DLEC1: variants seen among roughly 807,000 people sequenced by gnomAD.
DLEC1 encodes DLEC1 cilia and flagella associated protein, also known as deleted in lung and esophageal cancer protein 1.
A neutral mutation model predicts 198.1 loss-of-function variants in DLEC1; 146 were observed. The ratio of observed to expected loss-of-function variants is 0.74; its 90% confidence interval spans 0.64 to 0.85. The LOEUF (loss-of-function observed/expected upper bound fraction) is 0.85, where lower values mean the gene tolerates loss of function less well. Among genes scored for constraint, DLEC1 ranks in the 40% least tolerant of loss-of-function variants. The pLI, the probability that DLEC1 is intolerant of heterozygous loss-of-function variation, is 0.00. For missense variants in DLEC1, 2,233 were observed against 2,220.0 expected (o/e 1.01, Z -0.12); for synonymous variants, 897 against 866.8 (o/e 1.03, Z -0.61).
rs369646963 is a variant in DLEC1 at position 38,093,735 on chromosome 3, G to T, written c.1887G>T (p.Thr629=). Residue 629 remains threonine, a synonymous_variant, in exon 12 of 37, where the codon ACG becomes ACT. Transcript: ENST00000308059. ...TTGAGCCTGAAAACCTTCGGTCCAC[G>T]GCTAGGAAGCAGCTGATTATTAGAA... The part of the protein sequence containing the change: ...IRFEPENLRS[T]ARKQLIIRNA... The T allele has an allele frequency of 1.4e-5, 23 of 1,614,076 alleles. No homozygotes were observed. The highest frequency in any genetic ancestry group is 1.9e-5 in the Non-Finnish European group (22 of 1,180,032).
intron 2 of DLEC1, among the ~76,000 whole-genome samples, chr3:38,051,345 G>T (rs943296294): frequency 6.6e-6 from 1 of 152,232 alleles, no homozygotes; most frequent in African/African-American, 2.4e-5. Flanking sequence ...CTGGTCCACC[G>T]CGGTCCCCAC....
At chr3:38,066,281 A>G (rs1362434621) in intron 6 of DLEC1, among the ~76,000 whole-genome samples, 2 of 152,240 alleles carry the variant, frequency 1.3e-5, no homozygotes, top group African/African-American at 4.8e-5. Context: ...CAGGGCTTAC[A>G]AAATGGTAAT....
intron 33 of DLEC1, among the ~76,000 whole-genome samples, chr3:38,119,853 G>A (rs1700362648): frequency 1.3e-5 from 2 of 152,164 alleles, no homozygotes; most frequent in African/African-American, 2.4e-5. Flanking sequence ...CCTTGACAAA[G>A]CTTGTTAAGG....
intron 6 of DLEC1, 81 bp from the exon 7 acceptor site, chr3:38,084,077 A>G (rs1575168913): frequency 7.2e-7 from 1 of 1,381,068 alleles, no homozygotes; most frequent in Non-Finnish European, 1.0e-6. Flanking sequence ...CCCCCTTCTC[A>G]TATTAGAGTA....
intron 2 of DLEC1, among the ~76,000 whole-genome samples, chr3:38,058,265 G>A (rs1485280151): frequency 6.6e-6 from 1 of 152,156 alleles, no homozygotes; most frequent in Non-Finnish European, 1.5e-5. Flanking sequence ...ATCTGTTGAG[G>A]GATGGGATGA....
rs763929515 is a variant in DLEC1 at position 38,088,369 on chromosome 3, G to A, written c.1646G>A (p.Gly549Glu). Residue 549 changes from glycine to glutamate, a missense_variant, in exon 10 of 37, where the codon GGA becomes GAA. By Grantham distance (98) the Gly-to-Glu change is moderately conservative. Transcript: ENST00000308059. ...CCTTCGGTGTTTGAGCTGGCCCCGGGACATGCTATATTAGTGGAGGTAGGT... is the reference window on the plus strand; with the variant it reads ...CCTTCGGTGTTTGAGCTGGCCCCGGAACATGCTATATTAGTGGAGGTAGGT... ...ILPSVFELAP[G>E]HAILVEVLFS... 1.2e-6 allele frequency: 2 copies of A among 1,613,820 alleles called. No individual in the cohort carries two copies. Among genetic ancestry groups the A allele is most frequent in the East Asian group, 2.2e-5 (1 of 44,862 alleles).
intron 6 of DLEC1, among the ~76,000 whole-genome samples, chr3:38,071,787 G>T (rs1190448412): frequency 6.6e-6 from 1 of 152,250 alleles, no homozygotes; most frequent in Non-Finnish European, 1.5e-5. Context: ...CCCTTGTGTA[G>T]TGAGGGAGCC....
intron 19 of DLEC1, among the ~76,000 whole-genome samples, chr3:38,106,167 G>T (rs1170984018): frequency 6.6e-6 from 1 of 152,036 alleles, no homozygotes; most frequent in Non-Finnish European, 1.5e-5. Flanking sequence ...TTGTATAGTT[G>T]CCCTTTAAAT....
chr3:38,054,729 A>G (rs557806688), intron 2 of DLEC1, among the ~76,000 whole-genome samples: 5 of 152,238 alleles, frequency 3.3e-5, no homozygotes, highest in Non-Finnish European at 7.3e-5. Context: ...TAGTGAGAAC[A>G]TGCATGGTGG....
At chr3:38,111,452 G>A (rs899593842) in intron 23 of DLEC1, among the ~76,000 whole-genome samples, 2 of 152,178 alleles carry the variant, frequency 1.3e-5, no homozygotes, top group Non-Finnish European at 2.9e-5. Context: ...TGCAGCTGGC[G>A]GGTGGCCCGC....
intron 34 of DLEC1, among the ~76,000 whole-genome samples, 171 bp from the exon 35 acceptor site, chr3:38,121,457 C>A (rs955207021): frequency 4.6e-5 from 7 of 152,210 alleles, no homozygotes; most frequent in African/African-American, 1.7e-4. Context: ...TGTGCAGACT[C>A]CCAGTAGCAG....
At chr3:38,084,548 AGTG>A (rs1698314581) in intron 7 of DLEC1, among the ~76,000 whole-genome samples, 1 of 1,398 alleles carries the variant, frequency 7.2e-4, no homozygotes, top group East Asian at 0.017. Context: ...TGGTAGTAGT[AGTG>A]GTAGTAGTAG....
At position 38,062,217 on chromosome 3, in the gene DLEC1, G is replaced by C; in HGVS notation, c.722G>C (p.Arg241Pro). 6.2e-7 allele frequency: 1 copy of C among 1,614,186 alleles called. No homozygotes were observed. Among genetic ancestry groups the C allele is most frequent in the Non-Finnish European group, 8.5e-7 (1 of 1,180,034 alleles). The stretch of plus-strand genomic sequence containing the variant: ...AAACTGACATTTAGCTGTGAGAAGC[G>C]TTCCGTCCAGAAGAAAGAGCTGAAC... The part of the protein sequence containing the change: ...CSKLTFSCEK[R>P]SVQKKELNKK... Residue 241 changes from arginine (R) to proline (P), a missense_variant, in exon 4 of 37, where the codon CGT becomes CCT. Physicochemically the swap from Arg to Pro is moderately radical, Grantham distance 103 (BLOSUM62 -2). Transcript: ENST00000308059.
chr3:38,087,359 C>A (rs1295317109), intron 9 of DLEC1, among the ~76,000 whole-genome samples: 2 of 132,736 alleles, frequency 1.5e-5, no homozygotes, highest in East Asian at 5.2e-4. Context: ...AGCACTGACA[C>A]CATCCATCAG....
At chr3:38,059,059 C>T (rs964606620) in intron 2 of DLEC1, among the ~76,000 whole-genome samples, 1 of 152,086 alleles carries the variant, frequency 6.6e-6, no homozygotes, top group Admixed American at 6.6e-5. Flanking sequence ...CACCCATAGA[C>T]GTTAATTATC....
intron 24 of DLEC1, 89 bp downstream of exon 24, chr3:38,111,836 C>T (rs949241711): frequency 3.5e-5 from 51 of 1,447,500 alleles, no homozygotes; most frequent in Non-Finnish European, 4.3e-5. Flanking sequence ...TGCCAGGGAG[C>T]GGGACCAGGA....
At chr3:38,085,724 C>T (rs1294404960) in intron 8 of DLEC1, among the ~76,000 whole-genome samples, 2 of 152,128 alleles carry the variant, frequency 1.3e-5, no homozygotes, top group Non-Finnish European at 2.9e-5. Context: ...GTTTTGCTGG[C>T]TTATGAACAT....
chr3:38,097,727 C>A lies in DLEC1; in HGVS notation c.2566-17C>A. ...CATCCCCAGGTGGCCCAGTGACAGG[C>A]CCTCTGGGTGTCTCAGGGGCCTGCC... On this transcript the variant is annotated splice_polypyrimidine_tract_variant and intron_variant, in intron 17 of 36. Coordinates refer to ENST00000308059, the MANE Select transcript of DLEC1 (RefSeq NM_007335.4). The A allele has an allele frequency of 6.2e-7, 1 of 1,613,758 alleles. No individual in the cohort carries two copies. Among genetic ancestry groups the A allele is most frequent in the Non-Finnish European group, 8.5e-7 (1 of 1,179,710 alleles).
chr3:38,046,626 C>G (rs1700898970), intron 2 of DLEC1, among the ~76,000 whole-genome samples: 1 of 152,176 alleles, frequency 6.6e-6, no homozygotes, highest in South Asian at 2.1e-4. Context: ...TGGACTAATA[C>G]AAGGCATCTT....
Sources: allele counts gnomAD v4.1 joint callset (sites outside exome capture counted in the v4.1 genomes callset), GRCh38; gene constraint gnomAD v4.1.1; transcripts MANE v1.5; gene names NCBI Gene and HGNC (gene_info 2026-07-23, HGNC 2026-07-21).